REPS2: variants seen among roughly 807,000 people sequenced by gnomAD.
REPS2 encodes ralBP1-associated Eps domain-containing protein 2.
A neutral mutation model predicts 53.6 loss-of-function variants in REPS2; 23 were observed. That is an observed-to-expected ratio of 0.43 (90% confidence interval 0.31 to 0.61). The LOEUF is 0.61. REPS2 is among the 20% of genes least tolerant of loss of function. The probability of loss-of-function intolerance (pLI) is 0.11; values close to 1 mark genes in which losing one functional copy is unlikely to be tolerated. For synonymous variants in REPS2, 238 were observed against 218.6 expected, an observed-to-expected ratio of 1.09 and a Z score of -0.78; for missense variants, 446 against 534.9, an observed-to-expected ratio of 0.83 and a Z score of 1.64.
the REPS2 span, among the ~76,000 whole-genome samples, chrX:17,161,935 G>C: frequency 8.9e-6 from 1 of 111,951 alleles, no homozygotes; most frequent in African/African-American, 3.2e-5. Flanking sequence ...AAAGATCCTA[G>C]AGGTATAGTG....
chrX:16,975,963 G>A lies in REPS2; in HGVS notation c.273+28829G>A, dbSNP rs1341539806. On this transcript the variant is annotated intron_variant, in intron 1 of 17. Transcript: ENST00000357277. The stretch of plus-strand genomic sequence containing the variant: ...AAACTTACCATTTTAACCATTTGAA[G>A]TGTACACTTCAGTGGCATTAAGTAC... 2.7e-5 allele frequency among the ~76,000 whole-genome samples: 3 copies of A among 111,876 alleles called. No homozygotes were observed. In the Admixed American group the frequency reaches 2.9e-4, roughly 11 times the overall value.
In REPS2 at chrX:17,152,901, T is replaced by A. The variant is rs2148192473; in HGVS notation, c.*5420T>A. 8.9e-6 allele frequency: 1 copy of A among 112,961 alleles called. No individual in the cohort carries two copies. The highest frequency in any genetic ancestry group is 2.8e-4 in the East Asian group (1 of 3,617). The allele number at this position is 112,961 out of a possible 1,213,427, so 9.3% of individuals were successfully genotyped here. On this transcript the variant is annotated 3_prime_UTR_variant, in exon 18 of 18. Transcript: ENST00000357277. ...GCTAAGAGAGATAATGAGCTGATGG[T>A]CTATTTTAACCTTGAAAGTAAAAAT...
At chrX:17,091,137 T>C (rs757802237) in intron 13 of REPS2, among the ~76,000 whole-genome samples, 1 of 112,263 alleles carries the variant, frequency 8.9e-6, no homozygotes, top group Non-Finnish European at 1.9e-5. Context: ...AGGGGAGTCA[T>C]ACATAATCTT....
intron 1 of REPS2, among the ~76,000 whole-genome samples, chrX:16,960,948 TGAA>T (rs978478566): frequency 8.9e-6 from 1 of 112,295 alleles, no homozygotes; most frequent in Non-Finnish European, 1.9e-5. Context: ...TGAAAGAAAT[TGAA>T]GACACAAATA....
At chrX:17,166,207 C>T in the REPS2 span, among the ~76,000 whole-genome samples, 1 of 110,496 alleles carries the variant, frequency 9.1e-6, no homozygotes, top group Non-Finnish European at 1.9e-5. Flanking sequence ...TTCTTTGTCA[C>T]CCACAGAGTC....
intron 1 of REPS2, among the ~76,000 whole-genome samples, chrX:16,970,119 C>A (rs1056194222): frequency 9.0e-6 from 1 of 111,062 alleles, no homozygotes; most frequent in Non-Finnish European, 1.9e-5. Context: ...AATGCACTCA[C>A]CATAATCAAC....
chrX:16,991,893 C>T (rs2061168906), intron 1 of REPS2, among the ~76,000 whole-genome samples: 1 of 111,354 alleles, frequency 9.0e-6, no homozygotes, highest in Admixed American at 9.6e-5. Flanking sequence ...CTGATTCTCC[C>T]TCACAGCCCT....
intron 2 of REPS2, among the ~76,000 whole-genome samples, chrX:17,007,330 G>A (rs181959575): frequency 7.1e-4 from 80 of 112,362 alleles, no homozygotes; most frequent in African/African-American, 2.5e-3. Flanking sequence ...CAGGGGGCTA[G>A]CTTGTGCCAG....
chrX:17,114,270 T>C (rs1347831729), intron 14 of REPS2, among the ~76,000 whole-genome samples: 1 of 112,436 alleles, frequency 8.9e-6, no homozygotes, highest in Non-Finnish European at 1.9e-5. Flanking sequence ...ACTAACTCTT[T>C]TTAGGGGTCT....
chrX:17,032,488 C>G (rs2061720032), intron 5 of REPS2, among the ~76,000 whole-genome samples: 1 of 111,387 alleles, frequency 9.0e-6, no homozygotes, highest in South Asian at 3.8e-4. Context: ...TGGCTGGACT[C>G]CGTGTTCCAG....
At chrX:17,002,333 A>G (rs972438606) in intron 1 of REPS2, among the ~76,000 whole-genome samples, 2 of 111,631 alleles carry the variant, frequency 1.8e-5, no homozygotes, top group African/African-American at 6.5e-5. Context: ...GAGGTGCCCA[A>G]CCAAAACTTG....
rs1569206756 is a variant in REPS2 at position 17,152,333 on chromosome X, C to T, written c.*4852C>T. Reference sequence around the variant, plus strand: ...ACACATGATGATAAAGGAACCTTTTCTAGGAGGCATTGCAGGGTTTCAATA... The same window carrying T: ...ACACATGATGATAAAGGAACCTTTTTTAGGAGGCATTGCAGGGTTTCAATA... On this transcript the variant is annotated 3_prime_UTR_variant, in exon 18 of 18. Coordinates refer to ENST00000357277, the MANE Select transcript of REPS2 (RefSeq NM_004726.3). The T allele has an allele frequency of 8.9e-6, 1 of 111,984 alleles. No individual in the cohort carries two copies. Among genetic ancestry groups the T allele is most frequent in the Admixed American group, 9.5e-5 (1 of 10,545 alleles). The allele number at this position is 111,984 out of a possible 1,213,427, so 9.2% of individuals were successfully genotyped here.
At chrX:17,179,448 C>T in the REPS2 span, among the ~76,000 whole-genome samples, 3 of 111,074 alleles carry the variant, frequency 2.7e-5, no homozygotes, top group Non-Finnish European at 1.9e-5. Context: ...CACTGACCCA[C>T]GATCCTGACT....
At chrX:17,189,199 A>G in the REPS2 span, among the ~76,000 whole-genome samples, 8 of 110,613 alleles carry the variant, frequency 7.2e-5, no homozygotes, top group Non-Finnish European at 1.5e-4. Flanking sequence ...CCTTCCTTAA[A>G]CTCCAATTGT....
intron 17 of REPS2, 98 bp downstream of exon 17, chrX:17,139,059 A>G: frequency 4.0e-6 from 2 of 504,252 alleles, no homozygotes; most frequent in Non-Finnish European, 6.5e-6. Context: ...GTACATATTT[A>G]TAGGGTGGGG....
rs770219050 is a variant in REPS2, at chrX:17,063,155, T to C, written c.1209+623T>C. 2.7e-5 allele frequency among the ~76,000 whole-genome samples: 3 copies of C among 111,988 alleles called. No homozygotes were observed. In the South Asian group the frequency reaches 1.1e-3, roughly 42 times the overall value. On this transcript the variant is annotated intron_variant, in intron 9 of 17. Transcript: ENST00000357277. ...CAATAAATAGGAGTTGTTATAGTTA[T>C]TGTTGTCATCACCATTGTCATTATC...
chrX:17,112,961 G>A (rs1246027704), intron 14 of REPS2, among the ~76,000 whole-genome samples: 2 of 104,069 alleles, frequency 1.9e-5, no homozygotes. Flanking sequence ...GCATGGTGGC[G>A]GGCGCCTGTA....
intron 1 of REPS2, among the ~76,000 whole-genome samples, chrX:16,965,860 C>T (rs762075691): frequency 8.8e-6 from 1 of 113,011 alleles, no homozygotes; most frequent in East Asian, 2.8e-4. Flanking sequence ...GCAATCCCGG[C>T]ACCTCGGGAG....
chrX:16,988,493 T>A (rs1475445424), intron 1 of REPS2, among the ~76,000 whole-genome samples: 1 of 111,882 alleles, frequency 8.9e-6, no homozygotes, highest in African/African-American at 3.2e-5. Context: ...ACAATACCAT[T>A]TACATTCACT....
Sources: gnomAD v4.1 joint callset for allele counts (sites outside exome capture counted in the v4.1 genomes callset) on GRCh38, gnomAD v4.1.1 for gene constraint, MANE v1.5 for transcripts, NCBI Gene and HGNC (gene_info 2026-07-23, HGNC 2026-07-21) for gene names.